Variants in BBOF1 observed in about 807,000 individuals in gnomAD.
BBOF1 encodes the protein basal body orientation factor 1, also known as basal body-orientation factor 1.
In BBOF1, 62 loss-of-function variants were observed where a neutral mutation model predicts 68.0. The observed-to-expected ratio is 0.91, with a 90% CI of 0.74 to 1.13. The LOEUF is 1.13. Ranked by LOEUF, BBOF1 falls within the 50% of genes most tolerant of loss-of-function variation. BBOF1 has a pLI of 0.00. For missense variants in BBOF1, 534 were observed against 600.1 expected (o/e 0.89, Z 1.15); for synonymous variants, 208 against 198.8 (o/e 1.05, Z -0.39).
intron 1 of BBOF1, 76 bp downstream of exon 1, chr14:74,019,610 GC>G: frequency 6.5e-7 from 1 of 1,535,190 alleles, no homozygotes; most frequent in Non-Finnish European, 8.8e-7. Context: ...GCAACCTGGC[GC>G]CCCCCGCGCC....
chr14:74,053,048 A>G (rs2060104214), intron 8 of BBOF1, among the ~76,000 whole-genome samples: 1 of 152,052 alleles, frequency 6.6e-6, no homozygotes, highest in East Asian at 1.9e-4. Flanking sequence ...AATAATAAAT[A>G]AAATAAATTT....
chr14:74,039,474 G>A (rs940426841), intron 4 of BBOF1, among the ~76,000 whole-genome samples: 5 of 152,100 alleles, frequency 3.3e-5, no homozygotes, highest in African/African-American at 9.7e-5. Context: ...TGTTGCCCAG[G>A]TTGGAGTGCA....
chr14:74,045,087 C>T (rs28648521), intron 5 of BBOF1, among the ~76,000 whole-genome samples: 3 of 152,104 alleles, frequency 2.0e-5, no homozygotes, highest in Non-Finnish European at 4.4e-5. Context: ...ATAGTAGTAT[C>T]TATATAATAG....
chr14:74,071,082 T>C, downstream of BBOF1: 1 of 1,085,284 alleles, frequency 9.2e-7, no homozygotes, highest in South Asian at 1.3e-5. Flanking sequence ...TTAAAATGAG[T>C]AAATCCTTTC....
chr14:74,031,961 G>GT (rs2059580220), intron 3 of BBOF1: 1 of 152,028 alleles, frequency 6.6e-6, no homozygotes, highest in African/African-American at 2.4e-5. Flanking sequence ...ATAGATTACT[G>GT]TAAGTGGTAT....
At chr14:74,057,389 G>C (rs1213003345) in intron 11 of BBOF1, 131 bp downstream of exon 11, 1 of 1,542,486 alleles carries the variant, frequency 6.5e-7, no homozygotes. Flanking sequence ...GTAATAAATA[G>C]CATTAGTAGA....
chr14:74,070,579 T>C (rs960504530), downstream of BBOF1: 1 of 155,386 alleles, frequency 6.4e-6, no homozygotes, highest in Non-Finnish European at 1.4e-5. Context: ...TCAGACACTA[T>C]TGTGTTCTCA....
chr14:74,019,682 A>G, intron 1 of BBOF1, 148 bp downstream of exon 1: 3 of 1,367,406 alleles, frequency 2.2e-6, no homozygotes, highest in Non-Finnish European at 3.0e-6. Flanking sequence ...TCCCATGTCC[A>G]TAGTCTGGCA....
rs759462303 is a variant in BBOF1 at position 74,040,592 on chromosome 14, C to T, written c.523C>T (p.Arg175Trp). 6.3e-6 allele frequency: 10 copies of T among 1,591,888 alleles called. No homozygotes were observed. Among genetic ancestry groups the T allele is most frequent in the South Asian group, 3.5e-5 (3 of 86,046 alleles). ...GAAAGAGAATTTAAGAAACACAGAG[C>T]GGATACATCAGGAGACTCTTAGAAG... The part of the protein sequence containing the change: ...DLKENLRNTE[R>W]IHQETLRRLE... The change falls in exon 5 of 12, where the codon CGG becomes TGG. Residue 175 changes from arginine to tryptophan, a missense_variant. Coordinates refer to ENST00000394009, the MANE Select transcript of BBOF1 (RefSeq NM_025057.3).
chr14:74,027,786 C>T (rs551372561), intron 2 of BBOF1, among the ~76,000 whole-genome samples: 227 of 152,094 alleles, frequency 1.5e-3, no homozygotes, highest in Non-Finnish European at 2.8e-3. Context: ...ATCAGCTAAG[C>T]CCAACCCTGG....
Position 74,044,403 on chromosome 14 carries a change from A to T in BBOF1, c.577-1657A>T, listed in dbSNP as rs184179039. ...TTGTTAGGGGACTGTATAGCATCAG[A>T]TTGCCTGCATATAAATCCCTGCTCT... On this transcript the variant is annotated intron_variant, in intron 5 of 11. Coordinates refer to ENST00000394009, the MANE Select transcript of BBOF1 (RefSeq NM_025057.3). 1.3e-3 allele frequency among the ~76,000 whole-genome samples: 193 copies of T among 151,288 alleles called. No individual in the cohort carries two copies. In the Middle Eastern group the frequency reaches 0.014, roughly 11 times the overall value.
intron 12 of BBOF1, among the ~76,000 whole-genome samples, chr14:74,081,662 C>T (rs1447193016): frequency 6.6e-6 from 1 of 152,092 alleles, no homozygotes; most frequent in Non-Finnish European, 1.5e-5. Context: ...CCTTCCTCTC[C>T]TGGTTCATGG....
chr14:74,072,615 A>G lies in BBOF1; in HGVS notation n.1380-5581A>G, dbSNP rs1464474987. On this transcript the variant is annotated intron_variant and non_coding_transcript_variant, in intron 9 of 12. Coordinates refer to the BBOF1 transcript ENST00000492026. ...CAATGAAGAGCTTTACAGTTGGCTG[A>G]AAAAAACAAACAAACAAACAAACAA... 11 of 1,610,082 alleles carry G rather than the reference A, an allele frequency of 6.8e-6. No homozygotes were observed. The highest frequency in any genetic ancestry group is 1.4e-5 in the African/African-American group (1 of 73,730).
chr14:74,045,306 T>C (rs1032982630), intron 5 of BBOF1, among the ~76,000 whole-genome samples: 9 of 151,858 alleles, frequency 5.9e-5, no homozygotes, highest in African/African-American at 2.2e-4. Context: ...CATAGTATTA[T>C]TTTTTATTTA....
intron 9 of BBOF1, among the ~76,000 whole-genome samples, chr14:74,074,178 T>C (rs1209579327): frequency 2.0e-5 from 3 of 151,840 alleles, no homozygotes; most frequent in Non-Finnish European, 4.4e-5. Context: ...GGTTTCACCA[T>C]GTCTCCCAGG....
At chr14:74,067,926 AAAAC>A (rs752386085), downstream of BBOF1, among the ~76,000 whole-genome samples, 12 of 152,008 alleles carry the variant, frequency 7.9e-5, no homozygotes, top group Admixed American at 1.3e-4. Flanking sequence ...CCCCTGTCTC[AAAAC>A]AAACAAACAA....
At chr14:74,040,519 C>T (rs1217217629) in intron 4 of BBOF1, 46 bp from the exon 5 acceptor site, 1 of 1,193,998 alleles carries the variant, frequency 8.4e-7, no homozygotes, top group African/African-American at 1.6e-5. Flanking sequence ...TCAATGACCC[C>T]CATTTTCTAT....
At chr14:74,023,330 T>C (rs776627527) in intron 2 of BBOF1, among the ~76,000 whole-genome samples, 186 bp downstream of exon 2, 3 of 152,234 alleles carry the variant, frequency 2.0e-5, no homozygotes, top group Non-Finnish European at 2.9e-5. Context: ...CGGCTCTCTT[T>C]TATTTTCAAT....
intron 11 of BBOF1, chr14:74,060,667 A>G (rs1191227047): frequency 9.3e-6 from 15 of 1,613,290 alleles, no homozygotes; most frequent in Non-Finnish European, 1.3e-5. Flanking sequence ...AGGCATGACA[A>G]CAGCAGGTGA....
Sources: gnomAD v4.1 joint callset for allele counts (sites outside exome capture counted in the v4.1 genomes callset) on GRCh38, gnomAD v4.1.1 for gene constraint, MANE v1.5 for transcripts, NCBI Gene and HGNC (gene_info 2026-07-23, HGNC 2026-07-21) for gene names.